The following NUP58 variants were observed in gnomAD, a reference collection of about 807,000 sequenced individuals.
NUP58 encodes nucleoporin p58/p45.
In NUP58, 17 loss-of-function variants were observed where a neutral mutation model predicts 70.1. The ratio of observed to expected loss-of-function variants is 0.24; its 90% confidence interval spans 0.17 to 0.36. The LOEUF (loss-of-function observed/expected upper bound fraction) is 0.36. NUP58 is among the 10% of genes least tolerant of loss of function. The pLI is 1.00. For synonymous variants in NUP58, 275 were observed against 257.6 expected, an observed-to-expected ratio of 1.07 and a Z score of -0.65; for missense variants, 644 against 701.5, an observed-to-expected ratio of 0.92 and a Z score of 0.93.
chr13:25,304,663 C>T (rs944011371), intron 1 of NUP58, among the ~76,000 whole-genome samples: 6 of 150,912 alleles, frequency 4.0e-5, no homozygotes, highest in African/African-American at 1.2e-4. Flanking sequence ...ATTACAGGCA[C>T]GCCACCACAC....
chr13:25,332,958 C>T lies in NUP58; in HGVS notation c.1435+1400C>T, dbSNP rs1038718978. On this transcript the variant is annotated intron_variant, in intron 13 of 15. Transcript: ENST00000381736. ...TTTACTTTTTAGAGCCAGTATTAAT[C>T]CTAAAGTAGATAAGTGTAGATTTGG... 6 of 985,104 alleles carry T rather than the reference C, an allele frequency of 6.1e-6. No homozygotes were observed. The African/African-American group carries it at 8.7e-5, about 14-fold the overall frequency. 61.0% of individuals were successfully genotyped at this position (985,104 alleles called of 1,614,324 possible).
chr13:25,330,267 T>C (rs567930883), intron 12 of NUP58, among the ~76,000 whole-genome samples: 2 of 152,316 alleles, frequency 1.3e-5, no homozygotes, highest in Admixed American at 6.5e-5. Context: ...AGATCGGTAG[T>C]GCTTGTTTTT....
At position 25,331,386 on chromosome 13, in the gene NUP58, G is replaced by A; in HGVS notation, c.1263G>A (p.Arg421=). 6.2e-7 allele frequency: 1 copy of A among 1,614,102 alleles called. No homozygotes were observed. Among genetic ancestry groups the A allele is most frequent in the East Asian group, 2.2e-5 (1 of 44,882 alleles). ...TGAAAGAACAGTACCTTGGCTACAG[G>A]AAAATGTTCTTGGGAGATGCTGTTG... ...KVLKEQYLGY[R]KMFLGDAVDV... The change falls in exon 13 of 16, where the codon AGG becomes AGA. Residue 421 remains arginine, a synonymous_variant. Transcript: ENST00000381736.
Position 25,305,253 on chromosome 13 carries a change from T to A in NUP58, c.108-2553T>A, listed in dbSNP as rs141030322. Among the ~76,000 whole-genome samples the A allele has an allele frequency of 4.6e-3, 698 of 151,252 alleles. 5 individuals carry two copies. The highest frequency in any genetic ancestry group is 0.016 in the African/African-American group (646 of 41,016). The stretch of plus-strand genomic sequence containing the variant: ...CCACCTCCTGGGCTAAAGTGATCTT[T>A]CCACCTCAGCTTCCTGAGTAGCTGG... On this transcript the variant is annotated intron_variant, in intron 1 of 15. Coordinates refer to ENST00000381736, the MANE Select transcript of NUP58 (RefSeq NM_014089.4).
intron 8 of NUP58, 68 bp from the exon 9 acceptor site, chr13:25,320,851 A>G: frequency 1.0e-6 from 1 of 997,192 alleles, no homozygotes; most frequent in East Asian, 2.8e-5. Flanking sequence ...TGTTTTAAGT[A>G]TATATATATT....
At chr13:25,304,702 G>T (rs1043521080) in intron 1 of NUP58, among the ~76,000 whole-genome samples, 2 of 150,510 alleles carry the variant, frequency 1.3e-5, no homozygotes, top group Admixed American at 1.3e-4. Context: ...TTTATTTTTG[G>T]TATTTTTAGT....
chr13:25,348,169 A>G (rs2032071576), intron 3 of NUP58, among the ~76,000 whole-genome samples: 1 of 152,178 alleles, frequency 6.6e-6, no homozygotes, highest in African/African-American at 2.4e-5. Flanking sequence ...ACACCATTCA[A>G]ATATTGGGCG....
At chr13:25,331,632 C>T in intron 13 of NUP58, 74 bp downstream of exon 13, 1 of 1,539,082 alleles carries the variant, frequency 6.5e-7, no homozygotes, top group South Asian at 1.2e-5. Context: ...ATAAGTCTTC[C>T]ATTTGTGTGA....
In NUP58 at chr13:25,328,594, G is replaced by T. The variant is rs528761608; in HGVS notation, c.1233+1082G>T. 2.6e-5 allele frequency among the ~76,000 whole-genome samples: 4 copies of T among 151,910 alleles called. No homozygotes were observed. The South Asian group carries it at 8.3e-4, about 32-fold the overall frequency. On this transcript the variant is annotated intron_variant, in intron 12 of 15. Transcript: ENST00000381736. Reference sequence around the variant, plus strand: ...GTATTTTTAGTAGAGACAGGGTTTTGCCATGTTGCACAGGCTGGTCTCGAA... The same window carrying T: ...GTATTTTTAGTAGAGACAGGGTTTTTCCATGTTGCACAGGCTGGTCTCGAA...
chr13:25,312,885 A>G lies in NUP58; in HGVS notation c.289A>G (p.Thr97Ala). Residue 97 changes from threonine to alanine, a missense_variant and splice_region_variant, in exon 4 of 16, where the codon ACG (threonine) becomes GCG (alanine). Physicochemically the swap from Thr to Ala is moderately conservative, Grantham distance 58. This residue lies in a region of NUP58 where 430 missense variants were observed against 409.2 expected (regional missense o/e 1.05). Transcript: ENST00000381736. ...TATTCATTTATTTATTTAAATAGGA[A>G]CGCCAGCCACTACATCTGCAGCTAC... ...TTITTGLTLGTPATTSAATTG... is the reference protein window; with the variant it reads ...TTITTGLTLGAPATTSAATTG... The G allele has an allele frequency of 6.2e-7, 1 of 1,603,218 alleles. No individual in the cohort carries two copies. Among genetic ancestry groups the G allele is most frequent in the South Asian group, 1.1e-5 (1 of 89,540 alleles).
rs1053769631 is a variant in NUP58, at chr13:25,301,810, G to T, written c.37G>T (p.Gly13Cys). 1.2e-6 allele frequency: 2 copies of T among 1,613,470 alleles called. No individual in the cohort carries two copies. The highest frequency in any genetic ancestry group is 2.7e-5 in the African/African-American group (2 of 74,920). The change falls in exon 1 of 16, where the codon GGC (glycine) becomes TGC (cysteine). Residue 13 changes from glycine to cysteine, a missense_variant. Transcript: ENST00000381736. ...GTTCTCCTTCGGGTCCGGGACTCTG[G>T]GCTCCACCACCGTGGCCGCCGGCGG... Reference protein sequence around the residue: ...TGFSFGSGTLGSTTVAAGGTS... With the variant: ...TGFSFGSGTLCSTTVAAGGTS...
At chr13:25,323,818 T>C (rs1254998080) in intron 9 of NUP58, among the ~76,000 whole-genome samples, 1 of 152,180 alleles carries the variant, frequency 6.6e-6, no homozygotes, top group Non-Finnish European at 1.5e-5. Context: ...CAACTAACAT[T>C]TTTAAAAGAT....
chr13:25,329,336 G>A (rs942385145), intron 12 of NUP58, among the ~76,000 whole-genome samples: 1 of 151,936 alleles, frequency 6.6e-6, no homozygotes, highest in Non-Finnish European at 1.5e-5. Context: ...TTCCCCCCAC[G>A]AAGTATTTCA....
At chr13:25,328,850 G>T (rs905738768) in intron 12 of NUP58, among the ~76,000 whole-genome samples, 1 of 152,118 alleles carries the variant, frequency 6.6e-6, no homozygotes, top group Non-Finnish European at 1.5e-5. Context: ...TAAAATTCAA[G>T]CAGCGAAACC....
At chr13:25,319,463 T>G (rs1301710216) in intron 7 of NUP58, 113 bp downstream of exon 7, 2 of 869,236 alleles carry the variant, frequency 2.3e-6, no homozygotes, top group Admixed American at 4.4e-5. Flanking sequence ...GAGAAAAAAC[T>G]TTTTTGTAAT....
At chr13:25,308,832 A>C (rs1051871653) in intron 2 of NUP58, among the ~76,000 whole-genome samples, 1 of 152,100 alleles carries the variant, frequency 6.6e-6, no homozygotes, top group Non-Finnish European at 1.5e-5. Flanking sequence ...CATTCTTACT[A>C]CTTTTTGCGT....
chr13:25,318,736 A>C lies in NUP58; in HGVS notation c.686-590A>C, dbSNP rs2031051484. Among the ~76,000 whole-genome samples, 3 of 152,308 alleles carry C rather than the reference A, an allele frequency of 2.0e-5. No homozygotes were observed. In the South Asian group the frequency reaches 6.2e-4, roughly 32 times the overall value. ...CTACATAACTGGCAAGGTTTTTTAT[A>C]AAATATGTCCGTTGTTGTGAGGGTG... On this transcript the variant is annotated intron_variant, in intron 6 of 15. Coordinates refer to ENST00000381736, the MANE Select transcript of NUP58 (RefSeq NM_014089.4).
intron 13 of NUP58, chr13:25,334,173 A>G: frequency 1.0e-6 from 1 of 985,440 alleles, no homozygotes; most frequent in Non-Finnish European, 1.2e-6. Context: ...GATAACGTGG[A>G]TAACGTAGTT....
rs543434149 is a variant in NUP58 at position 25,336,213 on chromosome 13, G to A, written c.1436-723G>A. The A allele has an allele frequency of 4.9e-5, 67 of 1,366,838 alleles. No individual in the cohort carries two copies. In the South Asian group the frequency reaches 7.6e-4, roughly 16 times the overall value. 84.7% of individuals were successfully genotyped at this position (1,366,838 alleles called of 1,614,324 possible). A position where few individuals can be genotyped will look rare whatever the true frequency, so the allele number is the denominator to read the frequency against. On this transcript the variant is annotated intron_variant, in intron 13 of 15. Coordinates refer to ENST00000381736, the MANE Select transcript of NUP58 (RefSeq NM_014089.4). ...AATGTTCATTACTTTATTTAATCAG[G>A]TGATAAGTGGTGTAATGTAGCAGAG...
Sources: allele counts gnomAD v4.1 joint callset (sites outside exome capture counted in the v4.1 genomes callset), GRCh38; gene constraint gnomAD v4.1.1; regional missense constraint gnomAD v4.1.1; transcripts MANE v1.5; gene names NCBI Gene and HGNC (gene_info 2026-07-23, HGNC 2026-07-21).